The following TRIM24 variants were observed in gnomAD, a reference collection of about 807,000 sequenced individuals.
TRIM24 encodes transcription intermediary factor 1-alpha.
A neutral mutation model predicts 123.9 loss-of-function variants in TRIM24; 29 were observed. That is an observed-to-expected ratio of 0.23 (90% CI 0.17 to 0.32). The LOEUF is 0.32. Among genes scored for constraint, TRIM24 ranks in the 10% least tolerant of loss-of-function variants. The pLI is 1.00. For synonymous variants in TRIM24, 456 were observed against 461.1 expected (o/e 0.99, Z 0.14); for missense variants, 932 against 1,295.3 (o/e 0.72, Z 4.31).
intron 7 of TRIM24, 70 bp from the exon 8 acceptor site, chr7:138,550,989 CTGTT>C (rs1797199312): frequency 8.5e-7 from 1 of 1,176,804 alleles, no homozygotes; most frequent in Admixed American, 1.7e-5. Flanking sequence ...ATACCAGAGA[CTGTT>C]TTTGTATATT....
At chr7:138,517,566 G>A (rs1043253969) in intron 3 of TRIM24, among the ~76,000 whole-genome samples, 2 of 151,982 alleles carry the variant, frequency 1.3e-5, no homozygotes, top group Admixed American at 1.3e-4. Context: ...TAGAGACGGG[G>A]TTTCACCATG....
Position 138,582,365 on chromosome 7 carries a change from AC to A in TRIM24, c.2793+598del, listed in dbSNP as rs1797914538. Among the ~76,000 whole-genome samples, 3 of 152,030 alleles carry A rather than the reference AC, an allele frequency of 2.0e-5. No homozygotes were observed. In the South Asian group the frequency reaches 6.2e-4, roughly 32 times the overall value. The stretch of plus-strand genomic sequence containing the variant: ...AGACCATCCTGGCTAACACGGTGAA[AC>A]CCCGTCTCTACTAAAAATACAAAAA... On this transcript the variant is annotated intron_variant, in intron 17 of 18. Coordinates refer to ENST00000343526, the MANE Select transcript of TRIM24 (RefSeq NM_015905.3).
intron 1 of TRIM24, among the ~76,000 whole-genome samples, chr7:138,482,494 C>T (rs896121228): frequency 6.6e-6 from 1 of 152,038 alleles, no homozygotes; most frequent in African/African-American, 2.4e-5. Context: ...AGATGGGTAG[C>T]GTGGTAGCAT....
At chr7:138,510,478 G>A (rs1449613676) in intron 2 of TRIM24, among the ~76,000 whole-genome samples, 2 of 152,100 alleles carry the variant, frequency 1.3e-5, no homozygotes, top group Non-Finnish European at 2.9e-5. Context: ...CTGGAATGCA[G>A]TGGCGCGATC....
intron 9 of TRIM24, among the ~76,000 whole-genome samples, chr7:138,561,074 C>G (rs1300026023): frequency 6.6e-6 from 1 of 152,208 alleles, no homozygotes; most frequent in South Asian, 2.1e-4. Context: ...GCTCCATGAA[C>G]ATGCAATGTG....
chr7:138,570,840 G>A lies in TRIM24; in HGVS notation c.1715G>A (p.Ser572Asn). Residue 572 changes from serine to asparagine, a missense_variant, in exon 11 of 19, where the codon AGC becomes AAC. This residue lies in a region of TRIM24 where 527 missense variants were observed against 691.3 expected (regional missense o/e 0.76). Transcript: ENST00000343526. The stretch of plus-strand genomic sequence containing the variant: ...TTCTTGTTACTGTAGTGGCAGATCA[G>A]CAGTGGACAGGGAACCCCATCAACT... ...AQQAIKQWQI[S>N]SGQGTPSTTN... The A allele has an allele frequency of 6.2e-7, 1 of 1,613,910 alleles. No individual in the cohort carries two copies. The highest frequency in any genetic ancestry group is 1.3e-5 in the African/African-American group (1 of 74,984).
At chr7:138,466,580 C>T (rs1462514886) in intron 1 of TRIM24, among the ~76,000 whole-genome samples, 1 of 146,678 alleles carries the variant, frequency 6.8e-6, no homozygotes, top group African/African-American at 2.5e-5. Flanking sequence ...TCTCTCAACT[C>T]CTGAGCTCAA....
chr7:138,482,557 C>T (rs1795553117), intron 1 of TRIM24, among the ~76,000 whole-genome samples: 1 of 152,182 alleles, frequency 6.6e-6, no homozygotes, highest in Admixed American at 6.5e-5. Context: ...AAAACCTGAT[C>T]ATCATGCTTA....
intron 1 of TRIM24, among the ~76,000 whole-genome samples, chr7:138,490,428 C>T (rs1041325934): frequency 1.1e-4 from 17 of 152,150 alleles, no homozygotes; most frequent in African/African-American, 3.6e-4. Flanking sequence ...GGAGAAGAGG[C>T]GCTCTGGTTT....
At chr7:138,498,887 G>GCCTC (rs1239602200) in intron 1 of TRIM24, among the ~76,000 whole-genome samples, 1 of 152,088 alleles carries the variant, frequency 6.6e-6, no homozygotes, top group Non-Finnish European at 1.5e-5. Context: ...TCCTGCCTTG[G>GCCTC]CCTCCCAAAG....
chr7:138,550,617 A>AGATGG (rs1797191979), intron 7 of TRIM24, among the ~76,000 whole-genome samples: 1 of 152,112 alleles, frequency 6.6e-6, no homozygotes, highest in Non-Finnish European at 1.5e-5. Flanking sequence ...CAGGAACAGA[A>AGATGG]CTGTAACAAG....
At chr7:138,507,524 T>A (rs920573653) in intron 2 of TRIM24, among the ~76,000 whole-genome samples, 1 of 152,036 alleles carries the variant, frequency 6.6e-6, no homozygotes, top group African/African-American at 2.4e-5. Flanking sequence ...GGTTTCACCA[T>A]GTTCGCCAGA....
At chr7:138,464,097 C>T (rs1795079336) in intron 1 of TRIM24, among the ~76,000 whole-genome samples, 1 of 147,696 alleles carries the variant, frequency 6.8e-6, no homozygotes, top group South Asian at 2.1e-4. Flanking sequence ...CGGGTTCAGG[C>T]CATTCTCCTG....
At chr7:138,545,527 G>A (rs935551981) in intron 7 of TRIM24, 1 of 456,834 alleles carries the variant, frequency 2.2e-6, no homozygotes, top group Non-Finnish European at 4.4e-6. Context: ...TGTTGGATTG[G>A]AATTAAGAGT....
chr7:138,499,818 T>TC (rs956461599), intron 1 of TRIM24, among the ~76,000 whole-genome samples: 7 of 152,096 alleles, frequency 4.6e-5, no homozygotes, highest in Non-Finnish European at 5.9e-5. Context: ...TTTTTTTTTT[T>TC]CCTTTAACCT....
intron 2 of TRIM24, among the ~76,000 whole-genome samples, chr7:138,511,304 CTTTTTT>C (rs760269729): frequency 7.1e-6 from 1 of 140,982 alleles, no homozygotes; most frequent in African/African-American, 2.6e-5. Flanking sequence ...TTCTTTCTTT[CTTTTTT>C]TTTTTTTTGA....
rs967120603 is a variant in TRIM24, at chr7:138,542,576, G to C, written c.1143+3773G>C. Among the ~76,000 whole-genome samples the C allele has an allele frequency of 4.6e-5, 7 of 152,160 alleles. 1 individual carries two copies. The highest frequency in any genetic ancestry group is 4.1e-4 in the South Asian group (2 of 4,826). ...TGCTTGCTGTTGGAAGAATGGTGCT[G>C]ATTTTCTCAATGTGGTGTTGTCACA... On this transcript the variant is annotated intron_variant, in intron 7 of 18. Coordinates refer to ENST00000343526, the MANE Select transcript of TRIM24 (RefSeq NM_015905.3).
intron 1 of TRIM24, among the ~76,000 whole-genome samples, chr7:138,463,170 G>A (rs868065963): frequency 2.9e-4 from 43 of 147,722 alleles, no homozygotes; most frequent in Admixed American, 1.5e-3. Context: ...GATTACAAGT[G>A]TGAGCCACCG....
Position 138,586,090 on chromosome 7 carries a change from T to A in TRIM24, c.*1139T>A. 5.0e-6 allele frequency: 2 copies of A among 397,658 alleles called. No homozygotes were observed. Among genetic ancestry groups the A allele is most frequent in the Non-Finnish European group, 9.8e-6 (2 of 203,256 alleles). The allele number at this position is 397,658 out of a possible 1,614,324, so 24.6% of individuals were successfully genotyped here. A position where few individuals can be genotyped will look rare whatever the true frequency, so the allele number is the denominator to read the frequency against. ...TCTTTGATCTGACTTCTGATTTTAT[T>A]CTTCTGATTGATTGATAGAGGTACA... On this transcript the variant is annotated 3_prime_UTR_variant, in exon 19 of 19. Transcript: ENST00000343526.
Sources: gnomAD v4.1 joint callset for allele counts (sites outside exome capture counted in the v4.1 genomes callset) on GRCh38, gnomAD v4.1.1 for gene constraint, gnomAD v4.1.1 regional missense constraint, MANE v1.5 for transcripts, NCBI Gene and HGNC (gene_info 2026-07-23, HGNC 2026-07-21) for gene names.